Variants in NDST3 observed in about 807,000 individuals in gnomAD.
NDST3 encodes the protein N-deacetylase and N-sulfotransferase 3.
A neutral mutation model predicts 96.1 loss-of-function variants in NDST3; 58 were observed. The ratio of observed to expected loss-of-function variants is 0.60; its 90% CI spans 0.49 to 0.75. NDST3 has a LOEUF of 0.75. Ranked by LOEUF, NDST3 falls within the 30% of genes least tolerant of loss-of-function variation. The pLI, the probability that NDST3 is intolerant of heterozygous loss-of-function variation, is 0.00. For synonymous variants in NDST3, 333 were observed against 359.7 expected, an observed-to-expected ratio of 0.93 and a Z score of 0.84; for missense variants, 788 against 1,034.2, an observed-to-expected ratio of 0.76 and a Z score of 3.27.
intron 2 of NDST3, among the ~76,000 whole-genome samples, chr4:118,098,210 T>C (rs947782645): frequency 2.0e-5 from 3 of 151,962 alleles, no homozygotes; most frequent in Non-Finnish European, 2.9e-5. Context: ...CAGCTCTGCT[T>C]CCTTTTCTGC....
chr4:118,155,269 A>G (rs1354777200), intron 6 of NDST3, among the ~76,000 whole-genome samples: 1 of 152,224 alleles, frequency 6.6e-6, no homozygotes, highest in African/African-American at 2.4e-5. Flanking sequence ...TAATGTTGAT[A>G]AGGAAAACAT....
At chr4:118,184,145 C>T (rs942425519) in intron 6 of NDST3, among the ~76,000 whole-genome samples, 17 of 152,190 alleles carry the variant, frequency 1.1e-4, no homozygotes, top group African/African-American at 4.1e-4. Flanking sequence ...TTTAAAGAAT[C>T]ATTTCATTGC....
chr4:118,146,578 T>C (rs751729913), intron 6 of NDST3, among the ~76,000 whole-genome samples: 3 of 152,144 alleles, frequency 2.0e-5, no homozygotes, highest in Non-Finnish European at 4.4e-5. Flanking sequence ...ACAGAATAAC[T>C]CTCTGGCCTG....
intron 6 of NDST3, among the ~76,000 whole-genome samples, chr4:118,178,513 T>G (rs1185795593): frequency 6.6e-6 from 1 of 152,068 alleles, no homozygotes; most frequent in Non-Finnish European, 1.5e-5. Context: ...GTCAGAATTT[T>G]CTTCCTTTTT....
intron 5 of NDST3, among the ~76,000 whole-genome samples, chr4:118,140,896 G>C (rs1733517020): frequency 6.6e-6 from 1 of 152,138 alleles, no homozygotes; most frequent in Non-Finnish European, 1.5e-5. Flanking sequence ...AATGAGATTT[G>C]AGTGAGGACA....
At chr4:118,224,445 G>A in intron 6 of NDST3, 46 bp from the exon 7 acceptor site, 1 of 1,538,686 alleles carries the variant, frequency 6.5e-7, no homozygotes, top group Non-Finnish European at 8.8e-7. Context: ...GCCCTCTAGT[G>A]TCAAAATAAA....
chr4:118,214,676 T>G (rs1435296512), intron 6 of NDST3, among the ~76,000 whole-genome samples: 1 of 152,070 alleles, frequency 6.6e-6, no homozygotes, highest in African/African-American at 2.4e-5. Flanking sequence ...CCAGGTAAGA[T>G]TCAATGAAAG....
intron 1 of NDST3, among the ~76,000 whole-genome samples, chr4:118,041,396 A>C (rs774839937): frequency 1.8e-4 from 27 of 152,204 alleles, no homozygotes; most frequent in Non-Finnish European, 3.5e-4. Flanking sequence ...TATTTCCTTC[A>C]GGGTGCCTTA....
rs557000352 is a variant in NDST3, at chr4:118,053,392, A to G, written c.-155-364A>G. 2.0e-5 allele frequency among the ~76,000 whole-genome samples: 3 copies of G among 152,012 alleles called. No individual in the cohort carries two copies. The South Asian group carries it at 6.2e-4, about 31-fold the overall frequency. On this transcript the variant is annotated intron_variant, in intron 1 of 13. Transcript: ENST00000296499. ...GTGATTAAAAACAAACAGCTTGAGT[A>G]TGTATTACATAATGTATAGCCAGAT...
intron 2 of NDST3, among the ~76,000 whole-genome samples, chr4:118,082,773 A>C (rs2125819992): frequency 6.6e-6 from 1 of 152,228 alleles, no homozygotes; most frequent in East Asian, 1.9e-4. Context: ...GAACTACCTC[A>C]GACTGGGTAG....
At chr4:118,166,713 T>C (rs1735574119) in intron 6 of NDST3, among the ~76,000 whole-genome samples, 1 of 152,140 alleles carries the variant, frequency 6.6e-6, no homozygotes, top group Non-Finnish European at 1.5e-5. Context: ...CTAAGTGGCA[T>C]TGATTCTTGG....
chr4:118,169,241 T>A (rs1312050575), intron 6 of NDST3, among the ~76,000 whole-genome samples: 1 of 152,044 alleles, frequency 6.6e-6, no homozygotes, highest in Non-Finnish European at 1.5e-5. Flanking sequence ...AAACAAATAG[T>A]CTGGACTTTT....
chr4:118,182,925 T>C (rs1736696359), intron 6 of NDST3, among the ~76,000 whole-genome samples: 1 of 151,914 alleles, frequency 6.6e-6, no homozygotes, highest in African/African-American at 2.4e-5. Context: ...GTGATTCTGC[T>C]GTTTATGATA....
At chr4:118,211,637 GCA>G (rs150540587) in intron 6 of NDST3, among the ~76,000 whole-genome samples, 186 of 152,252 alleles carry the variant, frequency 1.2e-3, no homozygotes, top group African/African-American at 4.0e-3. Flanking sequence ...ACTAGAAGGA[GCA>G]CAGGGGTTGG....
intron 6 of NDST3, among the ~76,000 whole-genome samples, chr4:118,215,919 T>C (rs1739166198): frequency 6.6e-6 from 1 of 151,860 alleles, no homozygotes; most frequent in Non-Finnish European, 1.5e-5. Flanking sequence ...CAGAGAGGGA[T>C]GAAAGTTTAA....
At chr4:118,140,933 C>A (rs989519178) in intron 5 of NDST3, among the ~76,000 whole-genome samples, 4 of 152,100 alleles carry the variant, frequency 2.6e-5, no homozygotes, top group Non-Finnish European at 5.9e-5. Flanking sequence ...CAGCCAGAGA[C>A]CTCTAAAAAA....
At chr4:118,072,821 C>T (rs899932723) in intron 2 of NDST3, among the ~76,000 whole-genome samples, 3 of 151,984 alleles carry the variant, frequency 2.0e-5, no homozygotes, top group South Asian at 2.1e-4. Flanking sequence ...TCAAAGGGTA[C>T]GCTTCCAGCT....
At chr4:118,237,302 T>C in intron 10 of NDST3, 82 bp downstream of exon 10, 1 of 1,117,530 alleles carries the variant, frequency 8.9e-7, no homozygotes, top group Non-Finnish European at 1.2e-6. Flanking sequence ...ACCCACTAGC[T>C]CAGGTTTTCA....
intron 6 of NDST3, among the ~76,000 whole-genome samples, chr4:118,172,174 G>A (rs1263266747): frequency 1.3e-5 from 2 of 152,124 alleles, no homozygotes; most frequent in Non-Finnish European, 2.9e-5. Flanking sequence ...TAAAATAAAG[G>A]GCTGAGGCAT....
Sources: allele counts gnomAD v4.1 joint callset (sites outside exome capture counted in the v4.1 genomes callset), GRCh38; gene constraint gnomAD v4.1.1; transcripts MANE v1.5; gene names NCBI Gene and HGNC (gene_info 2026-07-23, HGNC 2026-07-21).